Variants in GPD2 observed in about 807,000 individuals in gnomAD.
GPD2 encodes glycerol-3-phosphate dehydrogenase 2, also known as glycerol-3-phosphate dehydrogenase, mitochondrial.
GPD2 carries 54 observed loss-of-function variants against 82.4 expected under a neutral mutation model. The observed-to-expected ratio is 0.66, with a 90% CI of 0.53 to 0.82. The LOEUF (loss-of-function observed/expected upper bound fraction) is 0.82. GPD2 is among the 40% of genes least tolerant of loss of function. The pLI, the probability that GPD2 is intolerant of heterozygous loss-of-function variation, is 0.00. For synonymous variants in GPD2, 288 were observed against 306.1 expected (o/e 0.94, Z 0.62); for missense variants, 748 against 896.2 (o/e 0.83, Z 2.11).
intron 1 of GPD2, among the ~76,000 whole-genome samples, chr2:156,441,545 C>A (rs1682177236): frequency 6.6e-6 from 1 of 152,050 alleles, no homozygotes. Flanking sequence ...AGTGACAGAG[C>A]AAGACCTTGT....
intron 16 of GPD2, 137 bp from the exon 17 acceptor site, chr2:156,582,656 T>G: frequency 1.1e-6 from 1 of 901,094 alleles, no homozygotes. Context: ...TCTTCTTATC[T>G]GAGCTGTAGT....
intron 8 of GPD2, among the ~76,000 whole-genome samples, chr2:156,552,012 C>G (rs1350789681): frequency 6.6e-6 from 1 of 152,182 alleles, no homozygotes; most frequent in African/African-American, 2.4e-5. Flanking sequence ...TCCTAGAATG[C>G]TATCCTGCTA....
chr2:156,474,937 C>T (rs1203925552), intron 1 of GPD2, among the ~76,000 whole-genome samples: 1 of 135,062 alleles, frequency 7.4e-6, no homozygotes, highest in Non-Finnish European at 1.6e-5. Flanking sequence ...CTTGTCTCTA[C>T]AGAAAAAAAA....
At chr2:156,512,729 G>A (rs889476648) in intron 5 of GPD2, among the ~76,000 whole-genome samples, 3 of 152,012 alleles carry the variant, frequency 2.0e-5, no homozygotes, top group African/African-American at 4.8e-5. Flanking sequence ...GTCATGTTAC[G>A]TGTCTGAGTT....
intron 6 of GPD2, among the ~76,000 whole-genome samples, chr2:156,539,118 G>T (rs976449441): frequency 1.6e-4 from 24 of 152,134 alleles, no homozygotes; most frequent in Non-Finnish European, 3.2e-4. Flanking sequence ...TAAATAAAAG[G>T]TTATCTTAAC....
intron 3 of GPD2, among the ~76,000 whole-genome samples, 184 bp downstream of exon 3, chr2:156,496,399 C>T (rs976321313): frequency 3.3e-5 from 5 of 152,068 alleles, no homozygotes; most frequent in African/African-American, 1.2e-4. Context: ...TGCCCCACCC[C>T]AAAGGCCCCA....
chr2:156,472,018 G>C (rs1392536248), intron 1 of GPD2, among the ~76,000 whole-genome samples: 1 of 152,120 alleles, frequency 6.6e-6, no homozygotes, highest in Non-Finnish European at 1.5e-5. Flanking sequence ...TAATTAAAAG[G>C]CTATAAAACA....
intron 6 of GPD2, among the ~76,000 whole-genome samples, chr2:156,524,975 A>G (rs981526129): frequency 6.6e-6 from 1 of 152,046 alleles, no homozygotes; most frequent in Non-Finnish European, 1.5e-5. Flanking sequence ...TTATAATTCT[A>G]TTTTTCCTTC....
At chr2:156,407,040 G>A in the GPD2 span, among the ~76,000 whole-genome samples, 4 of 152,064 alleles carry the variant, frequency 2.6e-5, 1 homozygote, top group South Asian at 4.1e-4. Flanking sequence ...GTGAAACCCC[G>A]TCTCTACTAA....
At chr2:156,573,118 A>G (rs1231138254) in intron 13 of GPD2, among the ~76,000 whole-genome samples, 1 of 152,194 alleles carries the variant, frequency 6.6e-6, no homozygotes, top group African/African-American at 2.4e-5. Context: ...ATGATTACAT[A>G]TCAGTCACCT....
chr2:156,484,229 G>A (rs1036507682), intron 2 of GPD2, among the ~76,000 whole-genome samples: 25 of 151,884 alleles, frequency 1.6e-4, no homozygotes, highest in Admixed American at 1.3e-3. Flanking sequence ...CTGCCTCCCG[G>A]GTTCAAGCAA....
At chr2:156,481,626 A>G (rs1057279118) in intron 2 of GPD2, among the ~76,000 whole-genome samples, 1 of 151,678 alleles carries the variant, frequency 6.6e-6, no homozygotes, top group South Asian at 2.1e-4. Context: ...GTTGTTGCAA[A>G]TGACAGGATT....
intron 6 of GPD2, among the ~76,000 whole-genome samples, chr2:156,533,052 C>T (rs1380970849): frequency 6.6e-6 from 1 of 152,108 alleles, no homozygotes; most frequent in African/African-American, 2.4e-5. Context: ...CAAATTGTTC[C>T]TCACCCTTCA....
chr2:156,555,198 T>A (rs1686916837), intron 8 of GPD2, among the ~76,000 whole-genome samples: 2 of 152,226 alleles, frequency 1.3e-5, no homozygotes, highest in Admixed American at 1.3e-4. Context: ...TTAATAGCTT[T>A]GTCTTCCCTC....
chr2:156,534,403 G>A (rs1349124938), intron 6 of GPD2, among the ~76,000 whole-genome samples: 1 of 152,220 alleles, frequency 6.6e-6, no homozygotes, highest in Non-Finnish European at 1.5e-5. Flanking sequence ...AAACAGGAAT[G>A]CCTGTTCCCA....
At chr2:156,507,994 G>A (rs371155384) in intron 3 of GPD2, among the ~76,000 whole-genome samples, 2 of 151,980 alleles carry the variant, frequency 1.3e-5, no homozygotes, top group South Asian at 4.2e-4. Context: ...CCATCCCCAG[G>A]TACAAGGAAA....
At position 156,583,671 on chromosome 2, in the gene GPD2, G is replaced by A. The variant is rs1688113672; in HGVS notation, c.*753G>A. The A allele has an allele frequency of 6.6e-6, 1 of 152,534 alleles. No homozygotes were observed. The highest frequency in any genetic ancestry group is 2.1e-4 in the South Asian group (1 of 4,830). The allele number at this position is 152,534 out of a possible 1,614,324, so 9.4% of individuals were successfully genotyped here. A position where few individuals can be genotyped will look rare whatever the true frequency, so the allele number is the denominator to read the frequency against. On this transcript the variant is annotated 3_prime_UTR_variant, in exon 17 of 17. Coordinates refer to ENST00000438166, the MANE Select transcript of GPD2 (RefSeq NM_000408.5). ...TCTCAGCAGTTCATTTTTTTCTTCA[G>A]TCACTGCTGGTTTTCTTTGACTATT...
intron 9 of GPD2, among the ~76,000 whole-genome samples, chr2:156,566,686 TTTCTC>T (rs1687404547): frequency 6.6e-6 from 1 of 152,254 alleles, no homozygotes; most frequent in Non-Finnish European, 1.5e-5. Context: ...TTGTAAAACT[TTTCTC>T]TGCTCCATTT....
intron 3 of GPD2, among the ~76,000 whole-genome samples, chr2:156,502,463 A>G (rs1240780582): frequency 1.3e-5 from 2 of 152,112 alleles, no homozygotes; most frequent in Non-Finnish European, 2.9e-5. Context: ...GTCTCACTCT[A>G]TTACCCAGGC....
Sources: allele counts gnomAD v4.1 joint callset (sites outside exome capture counted in the v4.1 genomes callset), GRCh38; gene constraint gnomAD v4.1.1; transcripts MANE v1.5; gene names NCBI Gene and HGNC (gene_info 2026-07-23, HGNC 2026-07-21).